FIGN: variants seen among roughly 807,000 people sequenced by gnomAD.
FIGN encodes the protein fidgetin.
A neutral mutation model predicts 51.3 loss-of-function variants in FIGN; 11 were observed. The ratio of observed to expected loss-of-function variants is 0.21; its 90% CI spans 0.13 to 0.35. The LOEUF (loss-of-function observed/expected upper bound fraction) is 0.35. Ranked by LOEUF, FIGN falls within the 10% of genes least tolerant of loss-of-function variation. The pLI, the probability that FIGN is intolerant of heterozygous loss-of-function variation, is 1.00. For missense variants in FIGN, 857 were observed against 943.6 expected, an observed-to-expected ratio of 0.91 and a Z score of 1.20; for synonymous variants, 407 against 363.2, an observed-to-expected ratio of 1.12 and a Z score of -1.37.
intron 2 of FIGN, among the ~76,000 whole-genome samples, chr2:163,661,596 C>T (rs1192227524): frequency 6.6e-6 from 1 of 152,062 alleles, no homozygotes; most frequent in Non-Finnish European, 1.5e-5. Flanking sequence ...GTCATTTCAC[C>T]ATTGATAAGG....
At chr2:163,681,235 C>T (rs1684056973) in intron 2 of FIGN, among the ~76,000 whole-genome samples, 1 of 152,136 alleles carries the variant, frequency 6.6e-6, no homozygotes, top group Admixed American at 6.6e-5. Flanking sequence ...GAATCCTATA[C>T]TAAAGCAAAT....
intron 2 of FIGN, among the ~76,000 whole-genome samples, chr2:163,727,621 T>C (rs192874199): frequency 2.6e-5 from 4 of 152,242 alleles, no homozygotes; most frequent in African/African-American, 7.2e-5. Context: ...CTCAAAAATA[T>C]CTTTAAAGCC....
rs755074819 is a variant in FIGN, at chr2:163,664,597, C to T, written c.26-52791G>A. Among the ~76,000 whole-genome samples the T allele has an allele frequency of 1.0e-3, 156 of 152,236 alleles. 2 individuals carry two copies. The highest frequency in any genetic ancestry group is 3.4e-3 in the Middle Eastern group (1 of 294). Reference sequence around the variant, plus strand: ...CAGTAGTAAAGCATCATTTCTTTTCCTGTTCTCCTATATTTAAACCAGCTC... The same window carrying T: ...CAGTAGTAAAGCATCATTTCTTTTCTTGTTCTCCTATATTTAAACCAGCTC... On this transcript the variant is annotated intron_variant, in intron 2 of 2. Coordinates refer to ENST00000333129, the MANE Select transcript of FIGN (RefSeq NM_018086.4).
intron 2 of FIGN, among the ~76,000 whole-genome samples, chr2:163,668,666 C>A (rs988401231): frequency 6.6e-6 from 1 of 152,136 alleles, no homozygotes; most frequent in Admixed American, 6.5e-5. Context: ...GTAGGCCAGG[C>A]GCAGTGGCTC....
At chr2:163,682,396 C>T (rs1484133415) in intron 2 of FIGN, among the ~76,000 whole-genome samples, 2 of 77,056 alleles carry the variant, frequency 2.6e-5, no homozygotes, top group Non-Finnish European at 5.5e-5. Context: ...TAATCCAACA[C>T]AACAAGTATT....
chr2:163,674,777 G>A (rs1452808174), intron 2 of FIGN, among the ~76,000 whole-genome samples: 4 of 152,174 alleles, frequency 2.6e-5, no homozygotes, highest in East Asian at 3.9e-4. Context: ...CCAAAGAATT[G>A]CATGATCATC....
chr2:163,706,411 T>C (rs1221389637), intron 2 of FIGN, among the ~76,000 whole-genome samples: 1 of 152,134 alleles, frequency 6.6e-6, no homozygotes, highest in African/African-American at 2.4e-5. Context: ...ACTTAAACTG[T>C]GACACTATTA....
intron 2 of FIGN, among the ~76,000 whole-genome samples, chr2:163,700,249 G>GACATAAGGAAGGC (rs1326141974): frequency 2.0e-5 from 3 of 152,062 alleles, no homozygotes; most frequent in South Asian, 4.1e-4. Context: ...TCACCACAGT[G>GACATAAGGAAGGC]ACATAAGGAA....
intron 2 of FIGN, among the ~76,000 whole-genome samples, chr2:163,704,573 C>T (rs1047909830): frequency 6.8e-6 from 1 of 146,312 alleles, no homozygotes; most frequent in Admixed American, 7.0e-5. Context: ...TATCTTTTTG[C>T]CTTAATATTC....
At chr2:163,721,299 C>T (rs893773118) in intron 2 of FIGN, among the ~76,000 whole-genome samples, 2 of 152,054 alleles carry the variant, frequency 1.3e-5, no homozygotes, top group Admixed American at 6.6e-5. Context: ...GGCAAGCTAC[C>T]ACTATAAGGT....
At chr2:163,684,940 T>A (rs1381573993) in intron 2 of FIGN, among the ~76,000 whole-genome samples, 2 of 82,468 alleles carry the variant, frequency 2.4e-5, no homozygotes, top group East Asian at 2.9e-4. Context: ...TGCCTGGCTA[T>A]TTTTTTTTTT....
Position 163,730,504 on chromosome 2 carries a change from T to TTGTGTGTGTG in FIGN, c.25+4389_25+4398dup, listed in dbSNP as rs59444555. Reference sequence around the variant, plus strand: ...ACAATCTCTCTCTCTTGCTCCGTGTTTGTGTGTGTGTGTGTGTGTGTGTGT... The same window carrying TTGTGTGTGTG: ...ACAATCTCTCTCTCTTGCTCCGTGTTTGTGTGTGTGTGTGTGTGTGTGTGTGTGTGTGTGT... On this transcript the variant is annotated intron_variant, in intron 2 of 2. Coordinates refer to ENST00000333129, the MANE Select transcript of FIGN (RefSeq NM_018086.4). Among the ~76,000 whole-genome samples, 1,469 of 148,978 alleles carry TTGTGTGTGTG rather than the reference T, an allele frequency of 9.9e-3. 9 individuals carry two copies. The highest frequency in any genetic ancestry group is 0.012 in the Non-Finnish European group (837 of 67,192).
chr2:163,706,857 A>T (rs376175772), intron 2 of FIGN, among the ~76,000 whole-genome samples: 6 of 152,162 alleles, frequency 3.9e-5, no homozygotes, highest in Non-Finnish European at 7.3e-5. Context: ...TAGAGCAATA[A>T]TCTCATTTAA....
At chr2:163,638,214 C>T (rs572189608) in intron 2 of FIGN, among the ~76,000 whole-genome samples, 1 of 151,568 alleles carries the variant, frequency 6.6e-6, no homozygotes, top group African/African-American at 2.4e-5. Context: ...GTGTGAGAGT[C>T]GCCAAAGACT....
chr2:163,643,186 T>C (rs1683329392), intron 2 of FIGN, among the ~76,000 whole-genome samples: 1 of 152,210 alleles, frequency 6.6e-6, no homozygotes, highest in African/African-American at 2.4e-5. Context: ...GACAGACCTA[T>C]AGATCAATGG....
At chr2:163,714,527 T>G (rs1041429118) in intron 2 of FIGN, among the ~76,000 whole-genome samples, 1 of 152,240 alleles carries the variant, frequency 6.6e-6, no homozygotes. Flanking sequence ...TTCTGCCTCG[T>G]AAATGCAAAG....
Position 163,654,128 on chromosome 2 carries a change from T to C in FIGN, c.26-42322A>G, listed in dbSNP as rs186290401. ...AAGATGGAAAATAAGAGCTTCCCCA[T>C]ATAATTTTATTAACTATTATTTTTA... On this transcript the variant is annotated intron_variant, in intron 2 of 2. Transcript: ENST00000333129. Among the ~76,000 whole-genome samples the C allele has an allele frequency of 3.3e-3, 510 of 152,258 alleles. 4 individuals are homozygous for C. The highest frequency in any genetic ancestry group is 0.012 in the African/African-American group (495 of 41,574).
chr2:163,609,917 A>T lies in FIGN; in HGVS notation c.1915T>A (p.Ser639Thr). ...ATSKPEEIDE[S>T]LRRYFMKRLL... ...CGTTTCATGAAGTACCTCCGAAGGG[A>T]TTCATCTATTTCTTCTGGTTTACTG... is the stretch of plus-strand genomic sequence containing the variant. Residue 639 changes from serine (S) to threonine (T), a missense_variant, in exon 3 of 3, where the codon TCC becomes ACC. Around this residue, in one of 3 missense-constraint regions of FIGN, gnomAD observed 799 missense variants for 849.5 expected, o/e 0.94. Coordinates refer to ENST00000333129, the MANE Select transcript of FIGN (RefSeq NM_018086.4). 1 of 1,614,008 alleles carries T rather than the reference A, an allele frequency of 6.2e-7. No individual in the cohort carries two copies.
intron 2 of FIGN, among the ~76,000 whole-genome samples, chr2:163,722,517 C>T (rs1349855744): frequency 2.6e-5 from 4 of 152,136 alleles, no homozygotes; most frequent in African/African-American, 9.6e-5. Context: ...TCTGTACCCT[C>T]AAATTTTTCT....
Sources: allele counts gnomAD v4.1 joint callset (sites outside exome capture counted in the v4.1 genomes callset), GRCh38; gene constraint gnomAD v4.1.1; regional missense constraint gnomAD v4.1.1; transcripts MANE v1.5; gene names NCBI Gene and HGNC (gene_info 2026-07-23, HGNC 2026-07-21).